Variants in LRRK1 observed in about 807,000 individuals in gnomAD.
LRRK1 encodes leucine-rich repeat serine/threonine-protein kinase 1.
Under a neutral mutation model 209.1 loss-of-function variants are expected in LRRK1, and 113 were observed. The observed-to-expected ratio is 0.54, with a 90% CI of 0.46 to 0.63. The LOEUF is 0.63. Among genes scored for constraint, LRRK1 ranks in the 30% least tolerant of loss-of-function variants. The probability of loss-of-function intolerance (pLI) is 0.00; values close to 1 mark genes in which losing one functional copy is unlikely to be tolerated. For missense variants in LRRK1, 2,284 were observed against 2,632.2 expected (o/e 0.87, Z 2.89); for synonymous variants, 1,144 against 1,099.7 (o/e 1.04, Z -0.80).
Position 100,982,212 on chromosome 15 carries a change from A to G in LRRK1, c.262-1316A>G, listed in dbSNP as rs184869198. On this transcript the variant is annotated intron_variant, in intron 3 of 33. Transcript: ENST00000388948. ...GATCCTCAGTAGGTGTTGATGGGGG[A>G]CACTGGCCATCCCATTCCAATAGGG... Among the ~76,000 whole-genome samples the G allele has an allele frequency of 7.8e-3, 1,189 of 151,988 alleles. 17 individuals are homozygous for G. The highest frequency in any genetic ancestry group is 0.028 in the African/African-American group (1,142 of 41,418).
At chr15:100,987,671 C>T (rs1354562534) in intron 4 of LRRK1, among the ~76,000 whole-genome samples, 1 of 152,150 alleles carries the variant, frequency 6.6e-6, no homozygotes, top group Non-Finnish European at 1.5e-5. Flanking sequence ...TTGATCCAGG[C>T]ACTTGACATG....
At chr15:101,055,895 T>C (rs1029201596) in intron 27 of LRRK1, among the ~76,000 whole-genome samples, 4 of 152,252 alleles carry the variant, frequency 2.6e-5, no homozygotes, top group African/African-American at 7.2e-5. Flanking sequence ...CCCTTGTCTA[T>C]AATTTCTTAT....
chr15:101,000,994 C>T (rs965849052), intron 6 of LRRK1, among the ~76,000 whole-genome samples: 1 of 152,184 alleles, frequency 6.6e-6, no homozygotes, highest in Non-Finnish European at 1.5e-5. Flanking sequence ...CCTCATCCTC[C>T]CGTTTTCAAT....
At chr15:101,063,591 C>G (rs1192086308) in intron 31 of LRRK1, among the ~76,000 whole-genome samples, 1 of 152,212 alleles carries the variant, frequency 6.6e-6, no homozygotes, top group Non-Finnish European at 1.5e-5. Context: ...GGCGCCCTCA[C>G]TAAATGCACA....
intron 20 of LRRK1, among the ~76,000 whole-genome samples, chr15:101,031,976 C>T (rs1025012295): frequency 4.6e-5 from 7 of 152,280 alleles, no homozygotes; most frequent in South Asian, 2.1e-4. Flanking sequence ...CCTCGTGATC[C>T]GCCTGCCTTG....
At chr15:101,000,768 C>T (rs780216694) in intron 6 of LRRK1, among the ~76,000 whole-genome samples, 2 of 152,198 alleles carry the variant, frequency 1.3e-5, no homozygotes, top group African/African-American at 2.4e-5. Context: ...GGATGATGGC[C>T]CCCACAATAA....
At position 101,062,356 on chromosome 15, in the gene LRRK1, G is replaced by A. The variant is rs114376711; in HGVS notation, c.4798-218G>A. On this transcript the variant is annotated intron_variant, in intron 30 of 33. Transcript: ENST00000388948. Reference sequence around the variant, plus strand: ...TGGTTTTCTCTGGGGAATAGATGACGGGCTATTTTCTGTTTCCTCTTTAGA... The same window carrying A: ...TGGTTTTCTCTGGGGAATAGATGACAGGCTATTTTCTGTTTCCTCTTTAGA... 1.0e-3 allele frequency: 485 copies of A among 463,186 alleles called. 1 individual carries two copies. Among genetic ancestry groups the A allele is most frequent in the African/African-American group, 8.3e-3 (422 of 50,790 alleles). The allele number at this position is 463,186 out of a possible 1,614,324, so 28.7% of individuals were successfully genotyped here.
chr15:100,934,999 G>A (rs935114190), intron 2 of LRRK1, among the ~76,000 whole-genome samples: 1 of 152,110 alleles, frequency 6.6e-6, no homozygotes, highest in African/African-American at 2.4e-5. Context: ...GAAGAAGAGG[G>A]TTTATTGAAC....
At chr15:100,954,777 C>T (rs953510819) in intron 2 of LRRK1, among the ~76,000 whole-genome samples, 15 of 152,140 alleles carry the variant, frequency 9.9e-5, no homozygotes, top group African/African-American at 3.4e-4. Flanking sequence ...ATTTTAGGCA[C>T]CTTTCTCAAA....
At chr15:101,041,480 T>C (rs960966881) in intron 20 of LRRK1, among the ~76,000 whole-genome samples, 5 of 152,254 alleles carry the variant, frequency 3.3e-5, no homozygotes, top group Non-Finnish European at 7.3e-5. Flanking sequence ...AATTTTATTT[T>C]AGTATTTTCA....
intron 2 of LRRK1, among the ~76,000 whole-genome samples, chr15:100,936,152 G>A (rs964862248): frequency 3.9e-5 from 6 of 152,220 alleles, no homozygotes; most frequent in Non-Finnish European, 7.3e-5. Flanking sequence ...GATCAAAGAT[G>A]TACCCATCAC....
chr15:100,973,859 G>C lies in LRRK1; in HGVS notation c.153G>C (p.Arg51=), dbSNP rs1218995523. The part of the protein sequence containing the change: ...PSTRGGDPAA[R]SRRTEGIRAA... ...CGCGGGGCGGTGACCCTGCAGCGCG[G>C]TCCCGCAGGACGGAAGGCATCCGCG... Residue 51 remains arginine (R), a synonymous_variant, in exon 3 of 34, where the codon CGG becomes CGC. Transcript: ENST00000388948. 1.5e-6 allele frequency: 2 copies of C among 1,291,896 alleles called. No individual in the cohort carries two copies. The highest frequency in any genetic ancestry group is 2.4e-5 in the South Asian group (1 of 42,500). The allele number at this position is 1,291,896 out of a possible 1,614,324, so 80.0% of individuals were successfully genotyped here. A position where few individuals can be genotyped will look rare whatever the true frequency, so the allele number is the denominator to read the frequency against.
rs747061264 is a variant in LRRK1, at chr15:101,008,849, A to G, written c.775A>G (p.Lys259Glu). The G allele has an allele frequency of 5.0e-6, 8 of 1,613,728 alleles. No homozygotes were observed. The highest frequency in any genetic ancestry group is 6.8e-6 in the Non-Finnish European group (8 of 1,179,600). The change falls in exon 7 of 34, where the codon AAA (lysine) becomes GAA (glutamate). Residue 259 changes from lysine to glutamate, a missense_variant. Physicochemically the swap from Lys to Glu is moderately conservative, Grantham distance 56 (BLOSUM62 1). Coordinates refer to ENST00000388948, the MANE Select transcript of LRRK1 (RefSeq NM_024652.6). ...SYPGKTALRV[K>E]WSHLRLPWVD... ...TTTCCACCACCAGGCTCTCCGTGTG[A>G]AATGGTCCCATCTCAGACTGCCCTG...
rs140979590 is a variant in LRRK1, at chr15:100,972,317, G to GATAT, written c.98-1472_98-1469dup. 8.6e-3 allele frequency among the ~76,000 whole-genome samples: 662 copies of GATAT among 76,928 alleles called. 3 individuals carry two copies. The highest frequency in any genetic ancestry group is 0.015 in the African/African-American group (358 of 23,844). The allele number at this position is 76,928 out of a possible 152,430, so 50.5% of individuals were successfully genotyped here. A position where few individuals can be genotyped will look rare whatever the true frequency, so the allele number is the denominator to read the frequency against. On this transcript the variant is annotated intron_variant, in intron 2 of 33. Transcript: ENST00000388948. ...TTGGGATATAAGAATTGTAATTTGG[G>GATAT]ATATATATATATATATATGAGAGAG...
At chr15:101,064,216 G>A (rs924526831) in intron 31 of LRRK1, among the ~76,000 whole-genome samples, 14 of 152,254 alleles carry the variant, frequency 9.2e-5, no homozygotes, top group Non-Finnish European at 1.6e-4. Context: ...GATGGATTTC[G>A]ATACGCTTTC....
chr15:101,056,196 AC>A (rs2035783604), intron 27 of LRRK1, among the ~76,000 whole-genome samples: 1 of 152,274 alleles, frequency 6.6e-6, no homozygotes, highest in East Asian at 1.9e-4. Flanking sequence ...TCCTTGCTGG[AC>A]CTTTTTGATT....
chr15:100,924,677 G>A lies in LRRK1; in HGVS notation c.45G>A (p.Val15=). Residue 15 remains valine (V), a synonymous_variant, in exon 2 of 34, where the codon GTG becomes GTA. Transcript: ENST00000388948. The stretch of plus-strand genomic sequence containing the variant: ...GACCCCCCAGCATGTACTGGTGTGT[G>A]GGGCCGGAGGAGTCAGCTGTGTGTC... The part of the protein sequence containing the change: ...SQRPPSMYWC[V]GPEESAVCPE... 6.2e-7 allele frequency: 1 copy of A among 1,614,156 alleles called. No individual in the cohort carries two copies. Among genetic ancestry groups the A allele is most frequent in the Middle Eastern group, 1.7e-4 (1 of 6,060 alleles).
intron 2 of LRRK1, among the ~76,000 whole-genome samples, chr15:100,958,623 G>A (rs1313749980): frequency 6.6e-6 from 1 of 152,170 alleles, no homozygotes; most frequent in Non-Finnish European, 1.5e-5. Flanking sequence ...TCAGAGAGGG[G>A]CCAAATTTCT....
At chr15:100,923,827 G>A (rs946283765) in intron 1 of LRRK1, among the ~76,000 whole-genome samples, 1 of 152,158 alleles carries the variant, frequency 6.6e-6, no homozygotes, top group African/African-American at 2.4e-5. Context: ...CCCATTAGAG[G>A]CCTGTAGCAC....
Sources: allele counts gnomAD v4.1 joint callset (sites outside exome capture counted in the v4.1 genomes callset), GRCh38; gene constraint gnomAD v4.1.1; transcripts MANE v1.5; gene names NCBI Gene and HGNC (gene_info 2026-07-23, HGNC 2026-07-21).